GRID2: variants seen among roughly 807,000 people sequenced by gnomAD.
The protein encoded by GRID2 is glutamate ionotropic receptor delta type subunit 2.
Under a neutral mutation model 114.8 loss-of-function variants are expected in GRID2, and 33 were observed. The observed-to-expected ratio is 0.29, with a 90% confidence interval of 0.22 to 0.38. GRID2 has a LOEUF of 0.38. GRID2 is among the 10% of genes least tolerant of loss of function. The pLI is 1.00. For synonymous variants in GRID2, 505 were observed against 449.9 expected (o/e 1.12, Z -1.55); for missense variants, 1,184 against 1,257.7 (o/e 0.94, Z 0.89).
rs1368038538 is a variant in GRID2, at chr4:93,667,666, C to T, written c.2360+41231C>T. Among the ~76,000 whole-genome samples the T allele has an allele frequency of 2.0e-5, 3 of 152,042 alleles. No individual in the cohort carries two copies. The South Asian group carries it at 6.2e-4, about 32-fold the overall frequency. On this transcript the variant is annotated intron_variant, in intron 14 of 15. Transcript: ENST00000282020. ...TTCCATTTGCTGAAAATGAAAGTAG[C>T]ACTCTTTACCAAAGTTTAGGTGAAC...
chr4:93,211,396 T>G (rs1743457749), intron 5 of GRID2, among the ~76,000 whole-genome samples: 1 of 152,138 alleles, frequency 6.6e-6, no homozygotes, highest in Non-Finnish European at 1.5e-5. Context: ...ACTTATTAAA[T>G]TTTATTTCAT....
intron 2 of GRID2, among the ~76,000 whole-genome samples, chr4:92,871,821 A>G (rs1055474904): frequency 6.6e-6 from 1 of 152,198 alleles, no homozygotes; most frequent in African/African-American, 2.4e-5. Context: ...AATATTGTCT[A>G]ATGTTTTCTA....
At chr4:93,380,718 A>C (rs1352734761) in intron 8 of GRID2, among the ~76,000 whole-genome samples, 2 of 152,192 alleles carry the variant, frequency 1.3e-5, no homozygotes, top group Non-Finnish European at 2.9e-5. Flanking sequence ...TTCAGAGGCA[A>C]AGGCTACCAT....
In GRID2 at chr4:93,506,218, A is replaced by AT. The variant is rs1281416411; in HGVS notation, c.1998-8997dup. Among the ~76,000 whole-genome samples the AT allele has an allele frequency of 2.6e-5, 4 of 152,270 alleles. No individual in the cohort carries two copies. The East Asian group carries it at 7.7e-4, about 29-fold the overall frequency. On this transcript the variant is annotated intron_variant, in intron 12 of 15. Transcript: ENST00000282020. ...ACCTGTGACCATCTGACTGTACCAC[A>AT]TGGTGGGTAGGGCTGACCCAGAATA... is the stretch of plus-strand genomic sequence containing the variant.
At chr4:93,623,109 CT>C (rs1055168166) in intron 13 of GRID2, among the ~76,000 whole-genome samples, 2 of 151,694 alleles carry the variant, frequency 1.3e-5, no homozygotes, top group African/African-American at 4.8e-5. Flanking sequence ...CTAATACAGT[CT>C]TTTTTTTAAA....
intron 8 of GRID2, among the ~76,000 whole-genome samples, chr4:93,267,243 T>C (rs1247115746): frequency 6.6e-6 from 1 of 152,010 alleles, no homozygotes; most frequent in African/African-American, 2.4e-5. Flanking sequence ...TTGTGCAGGT[T>C]AGTTACATAT....
intron 2 of GRID2, among the ~76,000 whole-genome samples, chr4:92,731,745 TA>T (rs1412466091): frequency 6.6e-6 from 1 of 151,928 alleles, no homozygotes; most frequent in Non-Finnish European, 1.5e-5. Context: ...TGTTCTCTTG[TA>T]AAAAGCATGT....
chr4:92,997,950 A>G (rs1315667376), intron 2 of GRID2, among the ~76,000 whole-genome samples: 1 of 152,074 alleles, frequency 6.6e-6, no homozygotes, highest in Non-Finnish European at 1.5e-5. Flanking sequence ...AATTTGTCAA[A>G]TCACATATCA....
chr4:93,291,842 T>A (rs1753792481), intron 8 of GRID2, among the ~76,000 whole-genome samples: 1 of 152,174 alleles, frequency 6.6e-6, no homozygotes, highest in African/African-American at 2.4e-5. Flanking sequence ...TGTTTTGAAA[T>A]ATATATATGT....
intron 1 of GRID2, among the ~76,000 whole-genome samples, chr4:92,509,470 C>T (rs1165081677): frequency 6.6e-6 from 1 of 151,858 alleles, no homozygotes; most frequent in African/African-American, 2.4e-5. Context: ...ACTAAATGCA[C>T]TGAGGCAAAA....
intron 4 of GRID2, among the ~76,000 whole-genome samples, chr4:93,138,831 A>G (rs745814285): frequency 7.9e-5 from 12 of 152,184 alleles, no homozygotes; most frequent in Non-Finnish European, 1.2e-4. Flanking sequence ...TGTCCAAAGA[A>G]TCTTTCTAAA....
chr4:93,684,718 TG>T (rs1439777740), intron 14 of GRID2, among the ~76,000 whole-genome samples: 2 of 151,858 alleles, frequency 1.3e-5, no homozygotes, highest in Admixed American at 1.3e-4. Context: ...AGATATCACG[TG>T]GGGAGTGGTA....
At chr4:93,157,729 C>A (rs1170486717) in intron 4 of GRID2, among the ~76,000 whole-genome samples, 1 of 151,674 alleles carries the variant, frequency 6.6e-6, no homozygotes, top group African/African-American at 2.4e-5. Flanking sequence ...GATGCAAATA[C>A]TCTTCTGTAC....
Position 93,351,691 on chromosome 4 carries a change from A to T in GRID2, c.1246-43916A>T, listed in dbSNP as rs543581520. On this transcript the variant is annotated intron_variant, in intron 8 of 15. Coordinates refer to ENST00000282020, the MANE Select transcript of GRID2 (RefSeq NM_001510.4). ...GCATATTGCTAAACTCTATATTTGCATTATTTTATTTAGTTTTTATAATGT... is the reference window on the plus strand; with the variant it reads ...GCATATTGCTAAACTCTATATTTGCTTTATTTTATTTAGTTTTTATAATGT... 5.3e-5 allele frequency among the ~76,000 whole-genome samples: 8 copies of T among 152,190 alleles called. No individual in the cohort carries two copies. In the South Asian group the frequency reaches 1.7e-3, roughly 31 times the overall value.
intron 2 of GRID2, among the ~76,000 whole-genome samples, chr4:92,750,757 A>G (rs1357003466): frequency 6.6e-6 from 1 of 152,238 alleles, no homozygotes; most frequent in Non-Finnish European, 1.5e-5. Context: ...TTTGAGTCTC[A>G]GTACTTCAAC....
At chr4:92,933,064 C>T (rs922477782) in intron 2 of GRID2, among the ~76,000 whole-genome samples, 2 of 150,710 alleles carry the variant, frequency 1.3e-5, no homozygotes, top group African/African-American at 4.9e-5. Flanking sequence ...TTAAAAACCT[C>T]TCCATTTTAT....
intron 2 of GRID2, among the ~76,000 whole-genome samples, chr4:92,984,342 T>C (rs1754381417): frequency 6.6e-6 from 1 of 152,244 alleles, no homozygotes; most frequent in Admixed American, 6.5e-5. Flanking sequence ...AGATTTTGAA[T>C]TATTACCTCA....
chr4:92,414,921 C>G (rs374138793), intron 1 of GRID2, among the ~76,000 whole-genome samples: 1 of 151,926 alleles, frequency 6.6e-6, no homozygotes, highest in Non-Finnish European at 1.5e-5. Context: ...AAATTTGTCT[C>G]GCTTCATTAT....
At chr4:92,388,962 C>A (rs1367026401) in intron 1 of GRID2, among the ~76,000 whole-genome samples, 1 of 152,006 alleles carries the variant, frequency 6.6e-6, no homozygotes, top group Non-Finnish European at 1.5e-5. Flanking sequence ...TGGGAGTTTA[C>A]AACGCCTTTC....
Sources: gnomAD v4.1 joint callset for allele counts (sites outside exome capture counted in the v4.1 genomes callset) on GRCh38, gnomAD v4.1.1 for gene constraint, MANE v1.5 for transcripts, NCBI Gene and HGNC (gene_info 2026-07-23, HGNC 2026-07-21) for gene names.